SESTD1: variants seen among roughly 807,000 people sequenced by gnomAD.
SESTD1 encodes the protein SEC14 and spectrin domain containing 1.
Under a neutral mutation model 101.7 loss-of-function variants are expected in SESTD1, and 43 were observed. That is an observed-to-expected ratio of 0.42 (90% CI 0.33 to 0.55). The LOEUF (loss-of-function observed/expected upper bound fraction) is 0.55, where lower values mean the gene tolerates loss of function less well. Among genes scored for constraint, SESTD1 ranks in the 20% least tolerant of loss-of-function variants. The pLI is 0.07. For synonymous variants in SESTD1, 283 were observed against 286.8 expected (o/e 0.99, Z 0.13); for missense variants, 647 against 815.1 (o/e 0.79, Z 2.51).
chr2:179,221,010 G>C (rs772251626), intron 1 of SESTD1, among the ~76,000 whole-genome samples: 7 of 152,092 alleles, frequency 4.6e-5, no homozygotes, highest in Non-Finnish European at 1.0e-4. Context: ...GTGCCCAAAT[G>C]TTTATATGTT....
At chr2:179,128,727 CAAA>C (rs747412908) in intron 10 of SESTD1, among the ~76,000 whole-genome samples, 2 of 73,698 alleles carry the variant, frequency 2.7e-5, no homozygotes, top group Admixed American at 1.6e-4. Flanking sequence ...GACACTGTCT[CAAA>C]AAAAAAAAAA....
chr2:179,248,063 A>C (rs1198002541), intron 1 of SESTD1, among the ~76,000 whole-genome samples: 1 of 151,656 alleles, frequency 6.6e-6, no homozygotes, highest in Non-Finnish European at 1.5e-5. Context: ...AGGGGGAAAA[A>C]AGGCAAAGAA....
intron 1 of SESTD1, among the ~76,000 whole-genome samples, chr2:179,225,160 G>A (rs2046866761): frequency 6.6e-6 from 1 of 152,126 alleles, no homozygotes; most frequent in African/African-American, 2.4e-5. Flanking sequence ...CCCAGTTGGT[G>A]TCAGCTGGCA....
intron 1 of SESTD1, among the ~76,000 whole-genome samples, chr2:179,240,050 G>C (rs937006155): frequency 6.6e-6 from 1 of 152,214 alleles, no homozygotes; most frequent in Admixed American, 6.5e-5. Context: ...ACATGGCCTT[G>C]AGATGAACGA....
At chr2:179,132,798 TTAAC>T (rs1216074827) in intron 9 of SESTD1, among the ~76,000 whole-genome samples, 2 of 152,210 alleles carry the variant, frequency 1.3e-5, no homozygotes, top group Non-Finnish European at 2.9e-5. Flanking sequence ...GTCAAAGTTC[TTAAC>T]TAACATTTAA....
rs532617343 is a variant in SESTD1 at position 179,139,587 on chromosome 2, A to T, written c.849+4005T>A. On this transcript the variant is annotated intron_variant, in intron 9 of 17. Transcript: ENST00000428443. ...CCCCTTAACTGTTCTATAGATAACA[A>T]CCTAAACATTATGAATCGTTAAGTT... Among the ~76,000 whole-genome samples the T allele has an allele frequency of 7.9e-4, 120 of 152,266 alleles. 1 individual carries two copies. Among genetic ancestry groups the T allele is most frequent in the African/African-American group, 2.7e-3 (113 of 41,562 alleles).
Position 179,201,629 on chromosome 2 carries a change from T to C in SESTD1, c.-25-9763A>G, listed in dbSNP as rs1242569177. 1.3e-3 allele frequency among the ~76,000 whole-genome samples: 169 copies of C among 125,356 alleles called. 10 individuals are homozygous for C. Among genetic ancestry groups the C allele is most frequent in the East Asian group, 0.011 (53 of 4,898 alleles). 82.2% of individuals were successfully genotyped at this position (125,356 alleles called of 152,430 possible). A position where few individuals can be genotyped will look rare whatever the true frequency, so the allele number is the denominator to read the frequency against. The stretch of plus-strand genomic sequence containing the variant: ...TGAGTTCATGTCCTTTGTAGGGACA[T>C]GGATGAAATTGGAAATCATCATTCT... On this transcript the variant is annotated intron_variant, in intron 1 of 17. Coordinates refer to ENST00000428443, the MANE Select transcript of SESTD1 (RefSeq NM_178123.5).
rs2044602096 is a variant in SESTD1, at chr2:179,115,213, A to G, written c.1691T>C (p.Val564Ala). Residue 564 changes from valine to alanine, a missense_variant, in exon 16 of 18, where the codon GTG becomes GCG. Physicochemically the swap from Val to Ala is moderately conservative, Grantham distance 64. This residue lies in a region of SESTD1 where 476 missense variants were observed against 562.6 expected (regional missense o/e 0.85). Coordinates refer to ENST00000428443, the MANE Select transcript of SESTD1 (RefSeq NM_178123.5). ...AGTGCAGCGCAAAGATTGGCATAAC[A>G]CAACTGTGGCCTGTAGCAACTGCCT... Reference protein sequence around the residue: ...YGRQLLQATVVLCQSLRCTSR... With the variant: ...YGRQLLQATVALCQSLRCTSR... 1 of 1,612,716 alleles carries G rather than the reference A, an allele frequency of 6.2e-7. No individual in the cohort carries two copies. Among genetic ancestry groups the G allele is most frequent in the African/African-American group, 1.3e-5 (1 of 74,832 alleles).
At chr2:179,217,661 C>G (rs1206049514) in intron 1 of SESTD1, among the ~76,000 whole-genome samples, 1 of 152,090 alleles carries the variant, frequency 6.6e-6, no homozygotes, top group South Asian at 2.1e-4. Flanking sequence ...AATCATGGTA[C>G]TATAAAGACA....
chr2:179,206,608 T>C (rs2105513852), intron 1 of SESTD1, among the ~76,000 whole-genome samples: 1 of 134,170 alleles, frequency 7.5e-6, no homozygotes, highest in Non-Finnish European at 1.6e-5. Context: ...GGCCACAGGG[T>C]GAAGGATGCT....
intron 1 of SESTD1, among the ~76,000 whole-genome samples, chr2:179,228,253 G>T (rs113967023): frequency 0.027 from 4,045 of 152,248 alleles, 85 homozygotes; most frequent in Admixed American, 0.035. Context: ...GTGTGTATGT[G>T]TGTGTGTTGC....
chr2:179,263,659 C>A (rs1005726633), intron 1 of SESTD1, among the ~76,000 whole-genome samples: 1 of 152,124 alleles, frequency 6.6e-6, no homozygotes, highest in African/African-American at 2.4e-5. Flanking sequence ...AGAAAGATGT[C>A]AAAGCACCAA....
intron 1 of SESTD1, among the ~76,000 whole-genome samples, chr2:179,197,184 C>A (rs942752656): frequency 2.0e-4 from 30 of 151,784 alleles, no homozygotes; most frequent in African/African-American, 2.9e-4. Context: ...GGAGCCGATG[C>A]AATCAACTGG....
At chr2:179,251,628 C>G (rs914149159) in intron 1 of SESTD1, among the ~76,000 whole-genome samples, 4 of 152,200 alleles carry the variant, frequency 2.6e-5, no homozygotes, top group Non-Finnish European at 4.4e-5. Flanking sequence ...TGTCCTCCCC[C>G]ACAAAATCAT....
In SESTD1 at chr2:179,234,562, GGGGT is replaced by G. The variant is rs2047037948; in HGVS notation, c.-26+29933_-26+29936del. 2.0e-5 allele frequency among the ~76,000 whole-genome samples: 3 copies of G among 152,098 alleles called. No individual in the cohort carries two copies. In the East Asian group the frequency reaches 5.8e-4, roughly 29 times the overall value. On this transcript the variant is annotated intron_variant, in intron 1 of 17. Transcript: ENST00000428443. Reference sequence around the variant, plus strand: ...TGGGGCTGAGGCGGGTAGATCACTTGGGGTCAGGAGTTTGAGACCAGCCTGGCCA... The same window carrying G: ...TGGGGCTGAGGCGGGTAGATCACTTGCAGGAGTTTGAGACCAGCCTGGCCA...
At chr2:179,117,847 C>A (rs369155924) in intron 13 of SESTD1, among the ~76,000 whole-genome samples, 1 of 152,106 alleles carries the variant, frequency 6.6e-6, no homozygotes, top group Non-Finnish European at 1.5e-5. Context: ...TTAAAGATAG[C>A]ATGGATTCTG....
intron 17 of SESTD1, among the ~76,000 whole-genome samples, chr2:179,111,611 A>C (rs2044508734): frequency 6.6e-6 from 1 of 152,036 alleles, no homozygotes; most frequent in East Asian, 1.9e-4. Context: ...ATTTTTATTT[A>C]CTGGTTTGGT....
At chr2:179,153,513 C>A (rs1163547591) in intron 5 of SESTD1, among the ~76,000 whole-genome samples, 4 of 152,116 alleles carry the variant, frequency 2.6e-5, no homozygotes, top group Admixed American at 2.6e-4. Flanking sequence ...CTCTCTCTCA[C>A]ACACACTTAT....
intron 2 of SESTD1, among the ~76,000 whole-genome samples, chr2:179,185,682 T>TATATATAATATACTATATTATATACA (rs1559134219): frequency 8.7e-4 from 94 of 107,844 alleles, no homozygotes; most frequent in Non-Finnish European, 1.4e-3. Context: ...TATAGCATAT[T>TATATATAATATACTATATTATATACA]ATATATAATA....
Sources: gnomAD v4.1 joint callset for allele counts (sites outside exome capture counted in the v4.1 genomes callset) on GRCh38, gnomAD v4.1.1 for gene constraint, gnomAD v4.1.1 regional missense constraint, MANE v1.5 for transcripts, NCBI Gene and HGNC (gene_info 2026-07-23, HGNC 2026-07-21) for gene names.